Variants in FYCO1 observed in about 807,000 individuals in gnomAD.
FYCO1 encodes the protein FYVE and coiled-coil domain autophagy adaptor 1.
Under a neutral mutation model 165.1 loss-of-function variants are expected in FYCO1, and 122 were observed. The ratio of observed to expected loss-of-function variants is 0.74; its 90% CI spans 0.64 to 0.86. FYCO1 has a LOEUF of 0.86. Among genes scored for constraint, FYCO1 ranks in the 40% least tolerant of loss-of-function variants. The probability of loss-of-function intolerance (pLI) is 0.00; values close to 1 mark genes in which losing one functional copy is unlikely to be tolerated. For missense variants in FYCO1, 1,702 were observed against 1,810.3 expected (o/e 0.94, Z 1.09); for synonymous variants, 648 against 742.5 (o/e 0.87, Z 2.07).
intron 3 of FYCO1, 88 bp downstream of exon 3, chr3:45,981,482 T>C (rs929060658): frequency 9.0e-6 from 8 of 884,428 alleles, no homozygotes; most frequent in East Asian, 2.5e-5. Flanking sequence ...TTGGGCTTTC[T>C]GAACCATATC....
Position 45,955,264 on chromosome 3 carries a change from G to A in FYCO1, c.3929C>T (p.Pro1310Leu), listed in dbSNP as rs747294256. 1.9e-6 allele frequency: 3 copies of A among 1,613,918 alleles called. No individual in the cohort carries two copies. In the South Asian group the frequency reaches 3.3e-5, roughly 18 times the overall value. The change falls in exon 14 of 18, where the codon CCA becomes CTA. Residue 1310 changes from proline to leucine, a missense_variant. Coordinates refer to ENST00000296137, the MANE Select transcript of FYCO1 (RefSeq NM_024513.4). ...ETPTETDSLD[P>L]NAAEQDTTST... ...CTCTACTCACTGTTCAGCCGCATTT[G>A]GGTCGAGAGAATCAGTTTCAGTGGG...
In FYCO1 at chr3:45,962,045, G is replaced by A. The variant is rs36039366; in HGVS notation, c.3437+180C>T. On this transcript the variant is annotated intron_variant, in intron 11 of 17. Transcript: ENST00000296137. This position sits in a 1 kb window ranked among gnomAD's most constrained non-coding sequence, Gnocchi z 4.4. The stretch of plus-strand genomic sequence containing the variant: ...TATCAGCTGCCTGGTACCTGCAGGC[G>A]CTGGAGTTTGGGACTCTAGTACTGG... Among the ~76,000 whole-genome samples, 14,301 of 152,050 alleles carry A rather than the reference G, an allele frequency of 0.094. 1,048 individuals carry two copies. Among genetic ancestry groups the A allele is most frequent in the South Asian group, 0.35 (1,685 of 4,818 alleles).
Position 45,962,152 on chromosome 3 carries a change from A to G in FYCO1, c.3437+73T>C. 6.6e-7 allele frequency: 1 copy of G among 1,505,832 alleles called. No homozygotes were observed. The highest frequency in any genetic ancestry group is 2.3e-5 in the East Asian group (1 of 44,342). The allele number at this position is 1,505,832 out of a possible 1,614,324, so 93.3% of individuals were successfully genotyped here. On this transcript the variant is annotated intron_variant, in intron 11 of 17. Coordinates refer to ENST00000296137, the MANE Select transcript of FYCO1 (RefSeq NM_024513.4). This position sits in a 1 kb window ranked among gnomAD's most constrained non-coding sequence, Gnocchi z 4.4. ...GAAATTTCTGAAGTATGCTTTCAAG[A>G]ACAGCTGCATTTCTTTAGAGAAAAA...
intron 14 of FYCO1, among the ~76,000 whole-genome samples, chr3:45,942,530 C>A (rs1575341056): frequency 1.3e-5 from 2 of 152,240 alleles, no homozygotes; most frequent in East Asian, 1.9e-4. Flanking sequence ...AGAAGGCAGG[C>A]CAGGCACCTC....
Position 45,921,829 on chromosome 3 carries a change from T to C in FYCO1, c.4373A>G (p.Lys1458Arg), listed in dbSNP as rs1307567705. The C allele has an allele frequency of 6.2e-7, 1 of 1,610,814 alleles. No individual in the cohort carries two copies. The change falls in exon 18 of 18, where the codon AAA becomes AGA. Residue 1458 changes from lysine (K) to arginine (R), a missense_variant. Coordinates refer to ENST00000296137, the MANE Select transcript of FYCO1 (RefSeq NM_024513.4). The stretch of plus-strand genomic sequence containing the variant: ...AACCGTCAAGTGATAAAATACCTTT[T>C]TAGAGACAAACCTGAGGAAACAGAA... ...FDNTFSRFVS[K>R]KVFYHLTVDR...
chr3:45,921,450 C>T lies in FYCO1; in HGVS notation c.*315G>A, dbSNP rs2291470. 0.39 allele frequency: 150,148 copies of T among 385,926 alleles called. 31,468 individuals carry two copies. The highest frequency in any genetic ancestry group is 0.63 in the East Asian group (10,450 of 16,630). 23.9% of individuals were successfully genotyped at this position (385,926 alleles called of 1,614,324 possible). ...GAAACTCTCCACAAGAGGCCTGTAG[C>T]CAACTGTGCTCCCAGGAGAGGCTGA... On this transcript the variant is annotated 3_prime_UTR_variant, in exon 18 of 18. Transcript: ENST00000296137.
intron 11 of FYCO1, among the ~76,000 whole-genome samples, chr3:45,961,368 C>T (rs1705688964): frequency 6.6e-6 from 1 of 152,034 alleles, no homozygotes; most frequent in African/African-American, 2.4e-5. Flanking sequence ...CATTTGGGGC[C>T]AGGAATTCAG....
chr3:45,944,068 C>T (rs1375837324), intron 14 of FYCO1, among the ~76,000 whole-genome samples: 3 of 152,192 alleles, frequency 2.0e-5, no homozygotes, highest in Admixed American at 6.5e-5. Flanking sequence ...TCTAAAAGTA[C>T]GGTCAGTTAA....
intron 14 of FYCO1, among the ~76,000 whole-genome samples, chr3:45,948,867 T>C (rs993646691): frequency 6.6e-6 from 1 of 152,194 alleles, no homozygotes; most frequent in African/African-American, 2.4e-5. Context: ...TCCTTTCTTT[T>C]TGGTGAAACA....
chr3:45,957,960 C>T (rs1196152529), intron 13 of FYCO1, among the ~76,000 whole-genome samples: 1 of 152,276 alleles, frequency 6.6e-6, no homozygotes, highest in African/African-American at 2.4e-5. Flanking sequence ...ACTTCCTTCA[C>T]TGGGCTGAGT....
In FYCO1 at chr3:45,975,330, C is replaced by T; in HGVS notation, c.304G>A (p.Gly102Arg). The T allele has an allele frequency of 6.2e-7, 1 of 1,613,918 alleles. No homozygotes were observed. The highest frequency in any genetic ancestry group is 8.5e-7 in the Non-Finnish European group (1 of 1,179,812). ...TAGCGAATAAATGCTCTTCCTTTCC[C>T]CAAGGATGTTCGGAGCTGGAAAAAG... ...KSISELRTSL[G>R]KGRAFIRYSL... Residue 102 changes from glycine (G) to arginine (R), a missense_variant, in exon 5 of 18, where the codon GGG (glycine) becomes AGG (arginine). Gly to Arg is a moderately radical substitution (Grantham distance 125, BLOSUM62 -2). Coordinates refer to ENST00000296137, the MANE Select transcript of FYCO1 (RefSeq NM_024513.4).
intron 7 of FYCO1, 109 bp from the exon 8 acceptor site, chr3:45,968,812 G>A: frequency 7.9e-7 from 1 of 1,267,812 alleles, no homozygotes; most frequent in Non-Finnish European, 1.1e-6. Flanking sequence ...GGCATTACCT[G>A]CCCTAAGGTT....
chr3:45,940,982 A>T (rs1402832998), intron 14 of FYCO1: 1 of 152,146 alleles, frequency 6.6e-6, no homozygotes, highest in Non-Finnish European at 1.5e-5. Flanking sequence ...CTTATAGAAC[A>T]ATTGTTCCTC....
At chr3:45,945,995 A>AT in intron 14 of FYCO1, 1 of 156,658 alleles carries the variant, frequency 6.4e-6, no homozygotes. Flanking sequence ...TTCACAATTT[A>AT]TTAGGAAATG....
At chr3:45,970,873 C>T (rs115406560) in intron 6 of FYCO1, among the ~76,000 whole-genome samples, 1,718 of 150,066 alleles carry the variant, frequency 0.011, 35 homozygotes, top group African/African-American at 0.038. Flanking sequence ...AAAACATTTA[C>T]AAAATAAAAC....
chr3:45,943,451 G>A (rs1486073805), intron 14 of FYCO1: 2 of 152,110 alleles, frequency 1.3e-5, no homozygotes, highest in Admixed American at 1.3e-4. Context: ...AATGTTCAGC[G>A]GAAACATGAA....
At chr3:45,975,930 G>A (rs12629722) in intron 4 of FYCO1, among the ~76,000 whole-genome samples, 6 of 152,228 alleles carry the variant, frequency 3.9e-5, no homozygotes, top group Admixed American at 2.0e-4. Context: ...GAGTGCGGCC[G>A]TGTAACTGCC....
At chr3:45,952,924 T>C (rs989816995) in intron 14 of FYCO1, among the ~76,000 whole-genome samples, 2 of 151,974 alleles carry the variant, frequency 1.3e-5, no homozygotes, top group African/African-American at 4.8e-5. Flanking sequence ...CATTGAGCCA[T>C]GGGGGTTGGG....
intron 1 of FYCO1, among the ~76,000 whole-genome samples, chr3:45,989,433 A>T (rs1707465746): frequency 1.3e-5 from 2 of 152,192 alleles, no homozygotes; most frequent in Admixed American, 1.3e-4. Context: ...GGCTGGAACA[A>T]TCAGTGGGCA....
Sources: allele counts gnomAD v4.1 joint callset (sites outside exome capture counted in the v4.1 genomes callset), GRCh38; gene constraint gnomAD v4.1.1; non-coding constraint Gnocchi (gnomAD v3.1); transcripts MANE v1.5; gene names NCBI Gene and HGNC (gene_info 2026-07-23, HGNC 2026-07-21).